The following STX12 variants were observed in gnomAD, a reference collection of about 807,000 sequenced individuals.
STX12 encodes the protein syntaxin-12.
STX12 carries 17 observed loss-of-function variants against 42.2 expected under a neutral mutation model. The observed-to-expected ratio is 0.40, with a 90% CI of 0.28 to 0.60. The LOEUF is 0.60. Among genes scored for constraint, STX12 ranks in the 20% least tolerant of loss-of-function variants. The probability of loss-of-function intolerance (pLI) is 0.39; values close to 1 mark genes in which losing one functional copy is unlikely to be tolerated. For synonymous variants in STX12, 108 were observed against 116.7 expected, an observed-to-expected ratio of 0.93 and a Z score of 0.48; for missense variants, 297 against 330.9, an observed-to-expected ratio of 0.90 and a Z score of 0.79.
intron 4 of STX12, among the ~76,000 whole-genome samples, chr1:27,805,477 C>T (rs2088857724): frequency 6.6e-6 from 1 of 152,050 alleles, no homozygotes; most frequent in African/African-American, 2.4e-5. Context: ...TACCAGAAGG[C>T]AGCTAGATTT....
chr1:27,811,049 G>C (rs960477109), intron 5 of STX12, among the ~76,000 whole-genome samples: 1 of 152,042 alleles, frequency 6.6e-6, no homozygotes, highest in African/African-American at 2.4e-5. Context: ...TTGGGGCATG[G>C]TGGCTCAAGC....
At chr1:27,785,988 C>T (rs558905226) in intron 1 of STX12, among the ~76,000 whole-genome samples, 3 of 152,274 alleles carry the variant, frequency 2.0e-5, no homozygotes, top group Admixed American at 6.5e-5. Flanking sequence ...TCTAGGCCTG[C>T]CCTGTGTGAC....
intron 4 of STX12, among the ~76,000 whole-genome samples, chr1:27,808,312 T>G (rs995362308): frequency 4.4e-5 from 3 of 68,308 alleles, no homozygotes; most frequent in East Asian, 7.6e-4. Context: ...TGCTTTGTTT[T>G]TTATTTATTT....
chr1:27,806,896 A>G (rs1173881609), intron 4 of STX12, among the ~76,000 whole-genome samples: 1 of 152,010 alleles, frequency 6.6e-6, no homozygotes, highest in Non-Finnish European at 1.5e-5. Flanking sequence ...TTACCAAACA[A>G]CCGGATCTCA....
At chr1:27,777,115 C>G (rs566023891) in intron 1 of STX12, among the ~76,000 whole-genome samples, 2 of 151,946 alleles carry the variant, frequency 1.3e-5, no homozygotes, top group Admixed American at 1.3e-4. Flanking sequence ...TACACACATA[C>G]GTACATACAC....
At chr1:27,783,124 A>G (rs2088679095) in intron 1 of STX12, among the ~76,000 whole-genome samples, 1 of 152,166 alleles carries the variant, frequency 6.6e-6, no homozygotes, top group African/African-American at 2.4e-5. Context: ...GCTTTGGATG[A>G]AGGTTCATTT....
At chr1:27,782,539 A>AT (rs1367414618) in intron 1 of STX12, among the ~76,000 whole-genome samples, 1 of 151,964 alleles carries the variant, frequency 6.6e-6, no homozygotes, top group African/African-American at 2.4e-5. Flanking sequence ...TACAGTGGCT[A>AT]TTTTTTAAAG....
chr1:27,823,389 A>C lies in STX12; in HGVS notation c.*1060A>C, dbSNP rs2088998610. The C allele has an allele frequency of 6.5e-6, 1 of 152,690 alleles. No individual in the cohort carries two copies. Among genetic ancestry groups the C allele is most frequent in the Non-Finnish European group, 1.5e-5 (1 of 68,054 alleles). 9.5% of individuals were successfully genotyped at this position (152,690 alleles called of 1,614,324 possible). A position where few individuals can be genotyped will look rare whatever the true frequency, so the allele number is the denominator to read the frequency against. The stretch of plus-strand genomic sequence containing the variant: ...GGTTTCAAATAGTGATGTTAGACTT[A>C]ACCTAATTTATAAACAAGAGATTAA... On this transcript the variant is annotated 3_prime_UTR_variant, in exon 9 of 9. Coordinates refer to ENST00000373943, the MANE Select transcript of STX12 (RefSeq NM_177424.3).
chr1:27,785,030 G>A (rs1416900823), intron 1 of STX12, among the ~76,000 whole-genome samples: 2 of 151,914 alleles, frequency 1.3e-5, no homozygotes, highest in African/African-American at 2.4e-5. Context: ...ATTATTAATT[G>A]ATTTTTTCAT....
At chr1:27,792,926 T>A (rs1337660922) in intron 2 of STX12, among the ~76,000 whole-genome samples, 2 of 152,210 alleles carry the variant, frequency 1.3e-5, no homozygotes, top group African/African-American at 4.8e-5. Context: ...CCTACTCCTT[T>A]TGTATTTTTA....
At chr1:27,776,866 G>A (rs1007477756) in intron 1 of STX12, among the ~76,000 whole-genome samples, 2 of 152,174 alleles carry the variant, frequency 1.3e-5, no homozygotes, top group African/African-American at 4.8e-5. Context: ...TTCTCTTCTC[G>A]TGGTGTGTTC....
intron 4 of STX12, among the ~76,000 whole-genome samples, chr1:27,809,593 A>G (rs1207446725): frequency 1.3e-5 from 2 of 150,458 alleles, no homozygotes; most frequent in African/African-American, 2.4e-5. Flanking sequence ...AGTAGCTGGG[A>G]CTACAGGTGC....
At chr1:27,804,403 G>A (rs1210599591) in intron 4 of STX12, among the ~76,000 whole-genome samples, 3 of 149,878 alleles carry the variant, frequency 2.0e-5, no homozygotes, top group African/African-American at 7.6e-5. Context: ...TCCAGCCTGG[G>A]CAAAAAGAGT....
At chr1:27,799,629 GCA>G (rs1484566817) in intron 3 of STX12, among the ~76,000 whole-genome samples, 2 of 149,760 alleles carry the variant, frequency 1.3e-5, no homozygotes, top group Non-Finnish European at 3.0e-5. Flanking sequence ...GACTACAGGC[GCA>G]CGCCACCACG....
At chr1:27,792,084 T>C (rs2148600106) in intron 2 of STX12, among the ~76,000 whole-genome samples, 1 of 139,840 alleles carries the variant, frequency 7.2e-6, no homozygotes, top group East Asian at 2.0e-4. Flanking sequence ...ATAAATATAG[T>C]ATATAAATAT....
At chr1:27,773,742 G>T in intron 1 of STX12, 1 of 280,962 alleles carries the variant, frequency 3.6e-6, no homozygotes. Flanking sequence ...TGAGTGCGTT[G>T]ACTTGGCGCA....
At chr1:27,801,847 A>G (rs1386131208) in intron 4 of STX12, 32 bp downstream of exon 4, 1 of 1,557,786 alleles carries the variant, frequency 6.4e-7, no homozygotes, top group Non-Finnish European at 8.6e-7. Flanking sequence ...GACCTTTGCA[A>G]TATCAGAATG....
At chr1:27,784,298 G>T (rs1221635736) in intron 1 of STX12, among the ~76,000 whole-genome samples, 4 of 152,118 alleles carry the variant, frequency 2.6e-5, no homozygotes, top group African/African-American at 9.7e-5. Flanking sequence ...ATAGCTCACT[G>T]CAGCCTCAAA....
intron 7 of STX12, 99 bp from the exon 8 acceptor site, chr1:27,819,551 T>C (rs1429335566): frequency 2.0e-5 from 19 of 940,134 alleles, no homozygotes; most frequent in Non-Finnish European, 2.9e-5. Context: ...GTTTGGATAG[T>C]GGTAGTGAAA....
Sources: gnomAD v4.1 joint callset for allele counts (sites outside exome capture counted in the v4.1 genomes callset) on GRCh38, gnomAD v4.1.1 for gene constraint, MANE v1.5 for transcripts, NCBI Gene and HGNC (gene_info 2026-07-23, HGNC 2026-07-21) for gene names.